Variants in ITPR3 observed in about 807,000 individuals in gnomAD.
ITPR3 encodes the protein inositol 1,4,5-trisphosphate-gated calcium channel ITPR3.
Under a neutral mutation model 293.2 loss-of-function variants are expected in ITPR3, and 173 were observed. The ratio of observed to expected loss-of-function variants is 0.59; its 90% confidence interval spans 0.52 to 0.67. The LOEUF (loss-of-function observed/expected upper bound fraction) is 0.67. ITPR3 is among the 30% of genes least tolerant of loss of function. The pLI is 0.00. For missense variants in ITPR3, 2,796 were observed against 3,592.1 expected, an observed-to-expected ratio of 0.78 and a Z score of 5.66; for synonymous variants, 1,295 against 1,444.4, an observed-to-expected ratio of 0.90 and a Z score of 2.35.
At chr6:33,686,345 G>A (rs996361099) in intron 42 of ITPR3, 64 bp from the exon 43 acceptor site, 3 of 1,593,354 alleles carry the variant, frequency 1.9e-6, no homozygotes, top group African/African-American at 2.7e-5. Context: ...AGAGGCTGAG[G>A]TCTCTGGAGC....
At chr6:33,680,170 G>A (rs1249696400) in intron 31 of ITPR3, 37 bp downstream of exon 31, 1 of 1,602,040 alleles carries the variant, frequency 6.2e-7, no homozygotes, top group Non-Finnish European at 8.5e-7. Context: ...GGCTGGAGAT[G>A]GGGCGAAGGG....
intron 21 of ITPR3, among the ~76,000 whole-genome samples, chr6:33,671,556 A>C (rs777687527): frequency 3.9e-5 from 6 of 152,156 alleles, no homozygotes. Context: ...GAGGGGAGAT[A>C]GTGAGGGAGG....
intron 56 of ITPR3, among the ~76,000 whole-genome samples, chr6:33,693,937 C>T (rs910491409): frequency 2.6e-5 from 4 of 152,228 alleles, no homozygotes; most frequent in Admixed American, 6.5e-5. Flanking sequence ...CTCTGGGCTG[C>T]ACGGAAGCCG....
intron 50 of ITPR3, 95 bp downstream of exon 50, chr6:33,689,505 C>A: frequency 1.5e-6 from 2 of 1,376,694 alleles, no homozygotes; most frequent in Non-Finnish European, 1.0e-6. Flanking sequence ...AGCCACTGCT[C>A]TGTCCCATCC....
At position 33,662,602 on chromosome 6, in the gene ITPR3, G is replaced by GGTGTTCCTGCGAACTACACTGCGCCA; in HGVS notation, c.789_814dup (p.Ser272CysfsTer246). Reference sequence around the variant, plus strand: ...GTGACGAGTACAAGGGCAAGCTGCAGGTGTTCCTGCGAACTACACTGCGCC... The same window carrying GGTGTTCCTGCGAACTACACTGCGCCA: ...GTGACGAGTACAAGGGCAAGCTGCAGGTGTTCCTGCGAACTACACTGCGCCAGTGTTCCTGCGAACTACACTGCGCC... On this transcript the variant is annotated frameshift_variant, in exon 8 of 58. Coordinates refer to ENST00000605930, the MANE Select transcript of ITPR3 (RefSeq NM_002224.4). LOFTEE classifies it high-confidence loss of function. 1 of 1,612,416 alleles carries GGTGTTCCTGCGAACTACACTGCGCCA rather than the reference G, an allele frequency of 6.2e-7. No individual in the cohort carries two copies. The highest frequency in any genetic ancestry group is 8.5e-7 in the Non-Finnish European group (1 of 1,179,946).
Position 33,688,347 on chromosome 6 carries a change from G to A in ITPR3, c.6484G>A (p.Asp2162Asn). The change falls in exon 48 of 58, where the codon GAC (aspartate) becomes AAC (asparagine). Residue 2162 changes from aspartate to asparagine, a missense_variant. Physicochemically the swap from Asp to Asn is conservative, Grantham distance 23. Transcript: ENST00000605930. ...KHRLFTTTEQ[D>N]EQGSKVSDFF... ...CCGGCTCTTCACCACTACTGAGCAG[G>A]ACGAGCAGGGCAGCAAAGTGAGCGA... The A allele has an allele frequency of 1.2e-6, 2 of 1,613,458 alleles. No homozygotes were observed. Among genetic ancestry groups the A allele is most frequent in the Non-Finnish European group, 1.7e-6 (2 of 1,179,894 alleles).
chr6:33,686,638 A>G, intron 43 of ITPR3, 119 bp downstream of exon 43: 1 of 777,266 alleles, frequency 1.3e-6, no homozygotes, highest in Non-Finnish European at 2.3e-6. Flanking sequence ...GCATTGTGTG[A>G]TGGGGCATCA....
Position 33,664,329 on chromosome 6 carries a change from A to G in ITPR3, c.1148+449A>G, listed in dbSNP as rs1764554825. Among the ~76,000 whole-genome samples, 1 of 152,124 alleles carries G rather than the reference A, an allele frequency of 6.6e-6. No homozygotes were observed. Among genetic ancestry groups the G allele is most frequent in the African/African-American group, 2.4e-5 (1 of 41,428 alleles). On this transcript the variant is annotated intron_variant, in intron 11 of 57. Coordinates refer to ENST00000605930, the MANE Select transcript of ITPR3 (RefSeq NM_002224.4). The surrounding 1 kb of genome is among the most constrained non-coding windows in gnomAD (Gnocchi z 4.4). ...ACTCTGCCTCCATCATTTTAGTGGGAACATCAAGTTTCCCTGTCAACAGGG... is the reference window on the plus strand; with the variant it reads ...ACTCTGCCTCCATCATTTTAGTGGGGACATCAAGTTTCCCTGTCAACAGGG...
chr6:33,629,270 T>C (rs1166054209), intron 1 of ITPR3, among the ~76,000 whole-genome samples: 3 of 152,206 alleles, frequency 2.0e-5, no homozygotes, highest in African/African-American at 4.8e-5. Context: ...CCTATGTAAC[T>C]ACAGTGTTGT....
In ITPR3 at chr6:33,691,125, T is replaced by C. The variant is rs1554140223; in HGVS notation, c.7225+16T>C. ...CACTCCACAGGTCTTGGAGGCTTCC[T>C]CTCCTGGGCAGGTTGTGGGGAATGA... On this transcript the variant is annotated intron_variant, in intron 52 of 57. Coordinates refer to ENST00000605930, the MANE Select transcript of ITPR3 (RefSeq NM_002224.4). This position sits in a 1 kb window ranked among gnomAD's most constrained non-coding sequence, Gnocchi z 4.9. 1 of 1,612,926 alleles carries C rather than the reference T, an allele frequency of 6.2e-7. No homozygotes were observed. The highest frequency in any genetic ancestry group is 1.1e-5 in the South Asian group (1 of 91,032).
At position 33,667,767 on chromosome 6, in the gene ITPR3, A is replaced by T; in HGVS notation, c.1714-25A>T. 1 of 1,612,390 alleles carries T rather than the reference A, an allele frequency of 6.2e-7. No homozygotes were observed. The highest frequency in any genetic ancestry group is 8.5e-7 in the Non-Finnish European group (1 of 1,179,066). On this transcript the variant is annotated intron_variant, in intron 15 of 57. Transcript: ENST00000605930. This position sits in a 1 kb window ranked among gnomAD's most constrained non-coding sequence, Gnocchi z 4.4. ...CTTGGCCCACCTGTGACTCTCTGTG[A>T]CCCCCAGCCTGTCTGCCCCCCCAGG...
chr6:33,689,515 C>T lies in ITPR3; in HGVS notation c.6867+105C>T. The T allele has an allele frequency of 3.1e-6, 4 of 1,306,886 alleles. No individual in the cohort carries two copies. The Admixed American group carries it at 6.2e-5, about 20-fold the overall frequency. 81.0% of individuals were successfully genotyped at this position (1,306,886 alleles called of 1,614,324 possible). On this transcript the variant is annotated intron_variant, in intron 50 of 57. Coordinates refer to ENST00000605930, the MANE Select transcript of ITPR3 (RefSeq NM_002224.4). ...CCAGGAGCCACTGCTCTGTCCCATC[C>T]CCTCCTCTCTGTTGGGCTCCCAAGT...
chr6:33,688,877 C>A (rs11759396), intron 49 of ITPR3, 96 bp downstream of exon 49: 50 of 1,515,624 alleles, frequency 3.3e-5, no homozygotes, highest in Admixed American at 1.5e-4. Flanking sequence ...CCTCTGAGGG[C>A]ACCAGATGCA....
Position 33,677,638 on chromosome 6 carries a change from G to A in ITPR3, c.3648+9G>A. 1 of 1,612,948 alleles carries A rather than the reference G, an allele frequency of 6.2e-7. No individual in the cohort carries two copies. Among genetic ancestry groups the A allele is most frequent in the South Asian group, 1.1e-5 (1 of 90,962 alleles). ...AGATCCCCTATGACAAGGTGGCTCT[G>A]ACTTCTGACCTCTGACTCCCCAGGG... On this transcript the variant is annotated intron_variant, in intron 28 of 57. Transcript: ENST00000605930.
chr6:33,692,016 G>A lies in ITPR3; in HGVS notation c.7458+88G>A, dbSNP rs2296742. The A allele has an allele frequency of 0.49, 768,274 of 1,553,570 alleles. 201,498 individuals carry two copies. Among genetic ancestry groups the A allele is most frequent in the East Asian group, 0.87 (38,518 of 44,308 alleles). On this transcript the variant is annotated intron_variant, in intron 54 of 57. Transcript: ENST00000605930. This position sits in a 1 kb window ranked among gnomAD's most constrained non-coding sequence, Gnocchi z 4.2. ...TGGAGAGTCCTGTCCTTGGCCTCGC[G>A]TCAGATATTCAGGGTTGAACCCCCT...
chr6:33,636,946 G>A (rs150546333), intron 1 of ITPR3, among the ~76,000 whole-genome samples: 4 of 152,350 alleles, frequency 2.6e-5, no homozygotes, highest in African/African-American at 7.2e-5. Flanking sequence ...GTCCTGCACA[G>A]CGCCTGCTCT....
Position 33,691,793 on chromosome 6 carries a change from G to T in ITPR3, c.7331-8G>T. Reference sequence around the variant, plus strand: ...CAGCCCGGGCCTCAGCACACTCTCCGCTTGCAGAGGACAGGGAGCTGGACA... The same window carrying T: ...CAGCCCGGGCCTCAGCACACTCTCCTCTTGCAGAGGACAGGGAGCTGGACA... On this transcript the variant is annotated splice_region_variant and splice_polypyrimidine_tract_variant and intron_variant, in intron 53 of 57. Coordinates refer to ENST00000605930, the MANE Select transcript of ITPR3 (RefSeq NM_002224.4). This position sits in a 1 kb window ranked among gnomAD's most constrained non-coding sequence, Gnocchi z 4.9. 6.2e-7 allele frequency: 1 copy of T among 1,614,008 alleles called. No homozygotes were observed. The highest frequency in any genetic ancestry group is 1.1e-5 in the South Asian group (1 of 91,070).
chr6:33,642,107 G>A (rs1312667634), intron 2 of ITPR3, among the ~76,000 whole-genome samples: 1 of 152,188 alleles, frequency 6.6e-6, no homozygotes, highest in East Asian at 1.9e-4. Flanking sequence ...CATGCACAGG[G>A]CCCCTCCCCA....
intron 3 of ITPR3, among the ~76,000 whole-genome samples, chr6:33,656,346 G>A (rs78807872): frequency 0.05 from 7,578 of 152,090 alleles, 224 homozygotes; most frequent in African/African-American, 0.07. Context: ...GTGGAATGTC[G>A]ACACCATAGA....
Sources: allele counts gnomAD v4.1 joint callset (sites outside exome capture counted in the v4.1 genomes callset), GRCh38; gene constraint gnomAD v4.1.1; non-coding constraint Gnocchi (gnomAD v3.1); transcripts MANE v1.5; gene names NCBI Gene and HGNC (gene_info 2026-07-23, HGNC 2026-07-21).